CNTN5: variants seen among roughly 807,000 people sequenced by gnomAD.
CNTN5 encodes contactin-5.
CNTN5 carries 77 observed loss-of-function variants against 129.1 expected under a neutral mutation model. That is an observed-to-expected ratio of 0.60 (90% CI 0.50 to 0.72). CNTN5 has a LOEUF of 0.72. CNTN5 is among the 30% of genes least tolerant of loss of function. The pLI is 0.00. For synonymous variants in CNTN5, 509 were observed against 465.6 expected, an observed-to-expected ratio of 1.09 and a Z score of -1.20; for missense variants, 1,478 against 1,328.8, an observed-to-expected ratio of 1.11 and a Z score of -1.75.
intron 16 of CNTN5, among the ~76,000 whole-genome samples, chr11:100,235,526 T>C (rs1177259044): frequency 1.3e-5 from 2 of 152,134 alleles, no homozygotes; most frequent in Admixed American, 1.3e-4. Context: ...CTCTTCCGTG[T>C]AGAGCAGGGC....
chr11:99,239,693 T>TG (rs1393052509), intron 1 of CNTN5, among the ~76,000 whole-genome samples: 1 of 152,020 alleles, frequency 6.6e-6, no homozygotes, highest in Non-Finnish European at 1.5e-5. Context: ...CCCAGCACTT[T>TG]GGGAGGCCGA....
chr11:99,712,609 T>C (rs774933367), intron 3 of CNTN5, among the ~76,000 whole-genome samples: 5 of 151,506 alleles, frequency 3.3e-5, no homozygotes, highest in Non-Finnish European at 7.4e-5. Flanking sequence ...TTTATGGTTT[T>C]AGGTTTTAGG....
At chr11:100,194,978 T>TGCCAACTACA in intron 15 of CNTN5, among the ~76,000 whole-genome samples, 1 of 149,894 alleles carries the variant, frequency 6.7e-6, no homozygotes, top group East Asian at 2.1e-4. Context: ...ATGAGCGAAT[T>TGCCAACTACA]TTAACTGTTA....
At chr11:100,215,992 T>C (rs891387248) in intron 15 of CNTN5, among the ~76,000 whole-genome samples, 5 of 152,164 alleles carry the variant, frequency 3.3e-5, no homozygotes, top group Non-Finnish European at 1.5e-5. Context: ...CTTTTATCTG[T>C]GAGACCAAAC....
At chr11:99,778,926 T>C (rs901480437) in intron 3 of CNTN5, among the ~76,000 whole-genome samples, 5 of 149,830 alleles carry the variant, frequency 3.3e-5, no homozygotes, top group South Asian at 2.1e-4. Flanking sequence ...TCTCAAATAA[T>C]TCTATATAAG....
rs1004570858 is a variant in CNTN5 at position 99,795,662 on chromosome 11, A to T, written c.56-23882A>T. Among the ~76,000 whole-genome samples the T allele has an allele frequency of 2.0e-3, 269 of 133,888 alleles. 5 individuals are homozygous for T. Among genetic ancestry groups the T allele is most frequent in the Non-Finnish European group, 3.3e-4 (21 of 62,850 alleles). The allele number at this position is 133,888 out of a possible 152,430, so 87.8% of individuals were successfully genotyped here. ...ATTGTTACCCTTTGGATCTTTTTTT[A>T]AAAAAATTATCTTCTTTGGTGTCTT... On this transcript the variant is annotated intron_variant, in intron 3 of 24. Transcript: ENST00000524871.
intron 2 of CNTN5, among the ~76,000 whole-genome samples, chr11:99,465,559 C>CACCTCATTCTCTTGTGTTCAGTGCTAT (rs1944898561): frequency 6.6e-6 from 1 of 151,824 alleles, no homozygotes; most frequent in South Asian, 2.1e-4. Flanking sequence ...TTCAGTGCTA[C>CACCTCATTCTCTTGTGTTCAGTGCTAT]ACACCAGCTT....
intron 2 of CNTN5, among the ~76,000 whole-genome samples, chr11:99,488,705 TG>T (rs1421146732): frequency 1.3e-5 from 2 of 152,224 alleles, no homozygotes; most frequent in East Asian, 3.9e-4. Context: ...CTGTATACAC[TG>T]CAAGAGAAAA....
intron 2 of CNTN5, among the ~76,000 whole-genome samples, chr11:99,421,380 T>G (rs1002494308): frequency 1.3e-5 from 2 of 152,140 alleles, no homozygotes; most frequent in African/African-American, 4.8e-5. Flanking sequence ...CCCAGAGAAC[T>G]GGGAAGAAGA....
At chr11:99,704,733 A>G (rs1954679342) in intron 3 of CNTN5, among the ~76,000 whole-genome samples, 2 of 151,238 alleles carry the variant, frequency 1.3e-5, no homozygotes, top group African/African-American at 4.8e-5. Context: ...ACTACTCTCT[A>G]GAATTCATTA....
chr11:99,610,628 G>T (rs781138232), intron 3 of CNTN5, among the ~76,000 whole-genome samples: 1 of 152,074 alleles, frequency 6.6e-6, no homozygotes, highest in Non-Finnish European at 1.5e-5. Context: ...CAGTGCAGAC[G>T]GGAAAATTAC....
chr11:99,459,900 A>G (rs1163877536), intron 2 of CNTN5, among the ~76,000 whole-genome samples: 2 of 152,028 alleles, frequency 1.3e-5, no homozygotes, highest in African/African-American at 4.8e-5. Flanking sequence ...GGAGTGAGAC[A>G]TAGGCTCAAA....
intron 1 of CNTN5, among the ~76,000 whole-genome samples, chr11:99,032,211 A>G (rs1206444688): frequency 6.6e-6 from 1 of 152,124 alleles, no homozygotes; most frequent in African/African-American, 2.4e-5. Context: ...ATTGTGAATA[A>G]TGCCGCAATA....
At chr11:99,978,683 A>G in intron 8 of CNTN5, among the ~76,000 whole-genome samples, 1 of 152,222 alleles carries the variant, frequency 6.6e-6, no homozygotes, top group East Asian at 1.9e-4. Flanking sequence ...AAGCTATATC[A>G]TCTAGGTTTT....
At chr11:99,802,405 C>T (rs1946142061) in intron 3 of CNTN5, among the ~76,000 whole-genome samples, 1 of 152,132 alleles carries the variant, frequency 6.6e-6, no homozygotes, top group Non-Finnish European at 1.5e-5. Flanking sequence ...GAAGGCTCAC[C>T]TACATGTCCC....
chr11:99,767,395 A>G (rs546310638), intron 3 of CNTN5, among the ~76,000 whole-genome samples: 42 of 152,198 alleles, frequency 2.8e-4, no homozygotes, highest in African/African-American at 1.0e-3. Flanking sequence ...TCAAACAACT[A>G]CTCAAAAAGA....
chr11:99,608,277 A>T (rs183024477), intron 3 of CNTN5, among the ~76,000 whole-genome samples: 2 of 152,118 alleles, frequency 1.3e-5, no homozygotes, highest in Non-Finnish European at 2.9e-5. Flanking sequence ...TTACTGGCAG[A>T]TGTTACAGCC....
At chr11:99,452,915 T>A (rs933558393) in intron 2 of CNTN5, among the ~76,000 whole-genome samples, 3 of 152,176 alleles carry the variant, frequency 2.0e-5, no homozygotes, top group Non-Finnish European at 4.4e-5. Context: ...AAAACAATCA[T>A]GAGAAATATT....
At chr11:99,615,046 C>T (rs1394928143) in intron 3 of CNTN5, among the ~76,000 whole-genome samples, 1 of 147,014 alleles carries the variant, frequency 6.8e-6, no homozygotes. Flanking sequence ...TTATATATAA[C>T]AATATAATGG....
Sources: allele counts gnomAD v4.1 joint callset (sites outside exome capture counted in the v4.1 genomes callset), GRCh38; gene constraint gnomAD v4.1.1; transcripts MANE v1.5; gene names NCBI Gene and HGNC (gene_info 2026-07-23, HGNC 2026-07-21).